Variants in MEOX2 observed in about 807,000 individuals in gnomAD.
MEOX2 encodes the protein homeobox protein MOX-2.
A neutral mutation model predicts 27.0 loss-of-function variants in MEOX2; 11 were observed. The observed-to-expected ratio is 0.41, with a 90% CI of 0.26 to 0.68. MEOX2 has a LOEUF of 0.68. Ranked by LOEUF, MEOX2 falls within the 30% of genes least tolerant of loss-of-function variation. The pLI is 0.33. For missense variants in MEOX2, 436 were observed against 385.4 expected (o/e 1.13, Z -1.10); for synonymous variants, 189 against 155.4 (o/e 1.22, Z -1.61).
At chr7:15,614,558 C>T (rs566539560) in intron 2 of MEOX2, among the ~76,000 whole-genome samples, 1 of 152,036 alleles carries the variant, frequency 6.6e-6, no homozygotes, top group African/African-American at 2.4e-5. Flanking sequence ...TTAAATAACC[C>T]AGCTTTTTTC....
chr7:15,644,426 A>G (rs41343244), intron 1 of MEOX2, among the ~76,000 whole-genome samples: 5,246 of 152,254 alleles, frequency 0.034, 175 homozygotes, highest in East Asian at 0.14. Flanking sequence ...TATTTGTTCA[A>G]AGTGTTTCAC....
chr7:15,651,990 T>G (rs1206631698), intron 1 of MEOX2, among the ~76,000 whole-genome samples: 4 of 152,144 alleles, frequency 2.6e-5, no homozygotes, highest in Non-Finnish European at 4.4e-5. Context: ...AACCATTCAA[T>G]GATTAACTCA....
intron 2 of MEOX2, among the ~76,000 whole-genome samples, chr7:15,623,394 G>A (rs2115357909): frequency 6.6e-6 from 1 of 152,212 alleles, no homozygotes; most frequent in African/African-American, 2.4e-5. Flanking sequence ...TTTATATACA[G>A]AGTCTCACTT....
chr7:15,682,826 A>C (rs1321000208), intron 1 of MEOX2, among the ~76,000 whole-genome samples: 1 of 151,964 alleles, frequency 6.6e-6, no homozygotes, highest in Admixed American at 6.6e-5. Context: ...TTGATTTTTA[A>C]GAGTCCCTTT....
chr7:15,637,063 A>C (rs890506213), intron 1 of MEOX2, among the ~76,000 whole-genome samples: 3 of 152,100 alleles, frequency 2.0e-5, no homozygotes, highest in African/African-American at 7.2e-5. Flanking sequence ...GATATTTTAG[A>C]GACTAACTTT....
chr7:15,663,092 C>G (rs2115385069), intron 1 of MEOX2, among the ~76,000 whole-genome samples: 1 of 152,262 alleles, frequency 6.6e-6, no homozygotes, highest in African/African-American at 2.4e-5. Context: ...ACAGATAGAA[C>G]ACTAGCGTCC....
intron 1 of MEOX2, among the ~76,000 whole-genome samples, chr7:15,664,175 T>C (rs927487245): frequency 6.6e-6 from 1 of 152,216 alleles, no homozygotes; most frequent in African/African-American, 2.4e-5. Context: ...TTGAGACACA[T>C]AAATTCATTA....
chr7:15,616,617 G>T (rs1191573245), intron 2 of MEOX2, among the ~76,000 whole-genome samples: 1 of 151,644 alleles, frequency 6.6e-6, no homozygotes, highest in East Asian at 1.9e-4. Flanking sequence ...TTTTAAGACA[G>T]CTAAATTATC....
intron 1 of MEOX2, among the ~76,000 whole-genome samples, chr7:15,659,931 C>T (rs1446032123): frequency 6.6e-6 from 1 of 152,068 alleles, no homozygotes; most frequent in African/African-American, 2.4e-5. Context: ...GCACACAGAA[C>T]TACAGACTTT....
At chr7:15,648,026 T>G (rs1478381181) in intron 1 of MEOX2, among the ~76,000 whole-genome samples, 2 of 152,110 alleles carry the variant, frequency 1.3e-5, no homozygotes, top group Non-Finnish European at 2.9e-5. Context: ...GCCTTCAATA[T>G]GCTGAATATT....
intron 1 of MEOX2, among the ~76,000 whole-genome samples, chr7:15,673,161 A>T (rs1291889223): frequency 2.6e-5 from 4 of 152,210 alleles, no homozygotes; most frequent in African/African-American, 9.6e-5. Flanking sequence ...TGGAAAACAC[A>T]CTAAAAGAAA....
intron 1 of MEOX2, among the ~76,000 whole-genome samples, chr7:15,643,199 C>G (rs868212034): frequency 1.3e-5 from 2 of 152,172 alleles, no homozygotes; most frequent in Admixed American, 6.5e-5. Context: ...GAGGCAGTTG[C>G]ACTGTTGGCA....
At chr7:15,658,889 T>G (rs376258082) in intron 1 of MEOX2, among the ~76,000 whole-genome samples, 2 of 152,350 alleles carry the variant, frequency 1.3e-5, no homozygotes, top group South Asian at 2.1e-4. Context: ...ACAACCAGTC[T>G]GTAATGTTTT....
At chr7:15,663,648 T>TATAATC in intron 1 of MEOX2, among the ~76,000 whole-genome samples, 1 of 152,184 alleles carries the variant, frequency 6.6e-6, no homozygotes, top group East Asian at 1.9e-4. Flanking sequence ...CAATAATCTT[T>TATAATC]AATATATAAA....
chr7:15,646,452 T>G lies in MEOX2; in HGVS notation c.518-19534A>C, dbSNP rs181615512. On this transcript the variant is annotated intron_variant, in intron 1 of 2. Coordinates refer to ENST00000262041, the MANE Select transcript of MEOX2 (RefSeq NM_005924.5). ...TATATGATTTCTCAACTGAGGGAGA[T>G]CCTCTTTGTAACATACAAAAGTTCA... Among the ~76,000 whole-genome samples the G allele has an allele frequency of 2.6e-3, 390 of 152,138 alleles. 2 individuals carry two copies. The highest frequency in any genetic ancestry group is 9.0e-3 in the African/African-American group (376 of 41,570).
At chr7:15,626,478 G>T (rs547374307) in intron 2 of MEOX2, among the ~76,000 whole-genome samples, 1 of 151,810 alleles carries the variant, frequency 6.6e-6, no homozygotes, top group Non-Finnish European at 1.5e-5. Context: ...TTATGTAAAA[G>T]AAATAATATT....
At chr7:15,673,453 TACAC>T (rs1324282584) in intron 1 of MEOX2, among the ~76,000 whole-genome samples, 3 of 151,820 alleles carry the variant, frequency 2.0e-5, no homozygotes, top group Non-Finnish European at 4.4e-5. Flanking sequence ...TAGAACTAAA[TACAC>T]ACACAGAAGT....
intron 2 of MEOX2, among the ~76,000 whole-genome samples, chr7:15,624,830 G>A (rs1001055253): frequency 2.0e-5 from 3 of 152,166 alleles, no homozygotes; most frequent in African/African-American, 7.2e-5. Context: ...AATGTTAAAA[G>A]AATCTTTAAA....
At chr7:15,635,392 C>A (rs1781465149) in intron 1 of MEOX2, among the ~76,000 whole-genome samples, 1 of 152,022 alleles carries the variant, frequency 6.6e-6, no homozygotes, top group Non-Finnish European at 1.5e-5. Context: ...CAAACAGAAT[C>A]TTGAGTACCA....
Sources: gnomAD v4.1 joint callset for allele counts (sites outside exome capture counted in the v4.1 genomes callset) on GRCh38, gnomAD v4.1.1 for gene constraint, MANE v1.5 for transcripts, NCBI Gene and HGNC (gene_info 2026-07-23, HGNC 2026-07-21) for gene names.